RXRA: variants seen among roughly 807,000 people sequenced by gnomAD.
RXRA encodes the protein retinoic acid receptor RXR-alpha.
RXRA carries 5 observed loss-of-function variants against 44.5 expected under a neutral mutation model. The observed-to-expected ratio is 0.11, with a 90% confidence interval of 0.06 to 0.24. The LOEUF (loss-of-function observed/expected upper bound fraction) is 0.24, where lower values mean the gene tolerates loss of function less well. RXRA is among the 10% of genes least tolerant of loss of function. RXRA has a pLI of 1.00. For missense variants in RXRA, 412 were observed against 646.5 expected, an observed-to-expected ratio of 0.64 and a Z score of 3.93; for synonymous variants, 291 against 271.4, an observed-to-expected ratio of 1.07 and a Z score of -0.71.
chr9:134,359,734 G>A (rs575469690), intron 1 of RXRA, among the ~76,000 whole-genome samples: 17 of 152,288 alleles, frequency 1.1e-4, no homozygotes, highest in African/African-American at 4.1e-4. Flanking sequence ...TGGCCCTGGC[G>A]GGGTGGGGAG....
chr9:134,382,939 G>A (rs1830667830), intron 1 of RXRA, among the ~76,000 whole-genome samples: 1 of 152,190 alleles, frequency 6.6e-6, no homozygotes, highest in Admixed American at 6.5e-5. Context: ...GCTTCGGGCT[G>A]TCTGGACAGG....
In RXRA at chr9:134,366,530, C is replaced by T. The variant is rs1385728247; in HGVS notation, c.29-35102C>T. ...CCCCCTCCCCAGCAGCCACCCCGTG[C>T]CATGGGCCTCCAGGTCCCCCGGGTG... On this transcript the variant is annotated intron_variant, in intron 1 of 9. Coordinates refer to ENST00000481739, the MANE Select transcript of RXRA (RefSeq NM_002957.6). This position sits in a 1 kb window ranked among gnomAD's most constrained non-coding sequence, Gnocchi z 5.9. Among the ~76,000 whole-genome samples, 1 of 152,210 alleles carries T rather than the reference C, an allele frequency of 6.6e-6. No individual in the cohort carries two copies. Among genetic ancestry groups the T allele is most frequent in the African/African-American group, 2.4e-5 (1 of 41,448 alleles).
chr9:134,424,064 G>T, intron 6 of RXRA: 2 of 985,436 alleles, frequency 2.0e-6, no homozygotes, highest in Non-Finnish European at 2.4e-6. Context: ...TCTGGCTCCA[G>T]CCTCAGCCTG....
rs1177753775 is a variant in RXRA, at chr9:134,407,912, G to A, written c.280-237G>A. ...TGAAGGTCCTTTTCCACAGAGGCCTGGGGTCTGCTGCGGGCGAGTCCTGAG... is the reference window on the plus strand; with the variant it reads ...TGAAGGTCCTTTTCCACAGAGGCCTAGGGTCTGCTGCGGGCGAGTCCTGAG... On this transcript the variant is annotated intron_variant, in intron 2 of 9. Coordinates refer to ENST00000481739, the MANE Select transcript of RXRA (RefSeq NM_002957.6). This position sits in a 1 kb window ranked among gnomAD's most constrained non-coding sequence, Gnocchi z 4.8. 6.6e-6 allele frequency among the ~76,000 whole-genome samples: 1 copy of A among 152,052 alleles called. No individual in the cohort carries two copies. The highest frequency in any genetic ancestry group is 1.5e-5 in the Non-Finnish European group (1 of 67,970).
intron 4 of RXRA, 46 bp downstream of exon 4, chr9:134,409,165 C>A (rs1291704859): frequency 8.1e-6 from 12 of 1,488,832 alleles, no homozygotes; most frequent in Non-Finnish European, 1.1e-5. Context: ...GTTGGACAAA[C>A]AGTGGGGCCC....
chr9:134,333,515 G>C (rs1835040357), intron 1 of RXRA, among the ~76,000 whole-genome samples: 1 of 152,162 alleles, frequency 6.6e-6, no homozygotes, highest in Admixed American at 6.5e-5. Flanking sequence ...TGGCGCTGAG[G>C]GGAGGGGAGA....
chr9:134,328,901 C>T (rs1332851649), intron 1 of RXRA, among the ~76,000 whole-genome samples: 2 of 152,190 alleles, frequency 1.3e-5, no homozygotes, highest in Non-Finnish European at 2.9e-5. Context: ...TCCACCGAGC[C>T]GCTCAGTGAG....
At chr9:134,338,923 C>T (rs1450647574) in intron 1 of RXRA, among the ~76,000 whole-genome samples, 1 of 152,250 alleles carries the variant, frequency 6.6e-6, no homozygotes, top group Non-Finnish European at 1.5e-5. Context: ...TGCCCTCCCT[C>T]AGGTCTGCCT....
rs770018441 is a variant in RXRA at position 134,408,278 on chromosome 9, A to G, written c.409A>G (p.Ile137Val). ...MASFTKHICA[I>V]CGDRSSGKHY... The stretch of plus-strand genomic sequence containing the variant: ...TTCCTTCACCAAGCACATCTGCGCC[A>G]TCTGCGGGGACCGCTCCTCAGGTAC... Residue 137 changes from isoleucine to valine, a missense_variant, in exon 3 of 10, where the codon ATC (isoleucine) becomes GTC (valine). By Grantham distance (29) the Ile-to-Val change is conservative (BLOSUM62 3). Transcript: ENST00000481739. 3.1e-6 allele frequency: 5 copies of G among 1,608,970 alleles called. No individual in the cohort carries two copies. The highest frequency in any genetic ancestry group is 4.2e-6 in the Non-Finnish European group (5 of 1,178,182).
rs1019550923 is a variant in RXRA at position 134,433,758 on chromosome 9, A to T, written c.1136-344A>T. On this transcript the variant is annotated intron_variant, in intron 8 of 9. Coordinates refer to ENST00000481739, the MANE Select transcript of RXRA (RefSeq NM_002957.6). The surrounding 1 kb of genome is among the most constrained non-coding windows in gnomAD (Gnocchi z 4.2). ...AGCAGCAGCATCCATTGTCTCTCCC[A>T]GTTCCCAAGGCGGCTGGAAGGAAGG... is the stretch of plus-strand genomic sequence containing the variant. Among the ~76,000 whole-genome samples, 3 of 152,156 alleles carry T rather than the reference A, an allele frequency of 2.0e-5. No individual in the cohort carries two copies. The highest frequency in any genetic ancestry group is 4.8e-5 in the African/African-American group (2 of 41,480).
chr9:134,373,430 T>C (rs11185663), intron 1 of RXRA, among the ~76,000 whole-genome samples: 41,168 of 152,220 alleles, frequency 0.27, 5,770 homozygotes, highest in African/African-American at 0.33. Context: ...TCCAACCCTG[T>C]GTTTTCCCAG....
At chr9:134,411,834 CA>C (rs1831153783) in intron 4 of RXRA, among the ~76,000 whole-genome samples, 2 of 152,344 alleles carry the variant, frequency 1.3e-5, no homozygotes, top group South Asian at 2.1e-4. Flanking sequence ...TCCTTGTGCA[CA>C]GGGGGAGTCT....
chr9:134,368,065 C>T (rs1830435852), intron 1 of RXRA, among the ~76,000 whole-genome samples: 1 of 152,262 alleles, frequency 6.6e-6, no homozygotes, highest in Admixed American at 6.5e-5. Flanking sequence ...GCTTGCAGGG[C>T]CAGGAGCCTG....
chr9:134,361,809 C>G (rs1023197949), intron 1 of RXRA, among the ~76,000 whole-genome samples: 1 of 152,186 alleles, frequency 6.6e-6, no homozygotes, highest in Non-Finnish European at 1.5e-5. Flanking sequence ...AACAGGGGCT[C>G]AGGGCCTGAG....
chr9:134,417,319 C>T lies in RXRA; in HGVS notation c.772C>T (p.Pro258Ser), dbSNP rs758299044. The change falls in exon 5 of 10, where the codon CCC becomes TCC. Residue 258 changes from proline to serine, a missense_variant. Pro to Ser is a moderately conservative substitution (Grantham distance 74). Coordinates refer to ENST00000481739, the MANE Select transcript of RXRA (RefSeq NM_002957.6). The surrounding 1 kb of genome is among the most constrained non-coding windows in gnomAD (Gnocchi z 6.1). ...TYVEANMGLN[P>S]SSPNDPVTNI... Reference sequence around the variant, plus strand: ...CGTGGAGGCAAACATGGGGCTGAACCCCAGCTCGGTGAGTTGCAGCCTGTG... The same window carrying T: ...CGTGGAGGCAAACATGGGGCTGAACTCCAGCTCGGTGAGTTGCAGCCTGTG... 5 of 1,613,360 alleles carry T rather than the reference C, an allele frequency of 3.1e-6. No homozygotes were observed. The African/African-American group carries it at 5.3e-5, about 17-fold the overall frequency.
In RXRA at chr9:134,332,826, G is replaced by T. The variant is rs141749220; in HGVS notation, c.28+6167G>T. Among the ~76,000 whole-genome samples, 709 of 152,302 alleles carry T rather than the reference G, an allele frequency of 4.7e-3. 27 individuals are homozygous for T. The highest frequency in any genetic ancestry group is 0.035 in the Admixed American group (528 of 15,302). ...CTCTCCAGGTGGCTCACTGGTTTCA[G>T]GTGGGCCTTGGGGCCCCTGTGAATG... On this transcript the variant is annotated intron_variant, in intron 1 of 9. Coordinates refer to ENST00000481739, the MANE Select transcript of RXRA (RefSeq NM_002957.6).
At chr9:134,339,240 C>T (rs879970337) in intron 1 of RXRA, among the ~76,000 whole-genome samples, 1 of 152,254 alleles carries the variant, frequency 6.6e-6, no homozygotes, top group Non-Finnish European at 1.5e-5. Context: ...GGCATGGCGC[C>T]TCCCGCGCTG....
At chr9:134,327,555 A>T (rs1554746192) in intron 1 of RXRA, among the ~76,000 whole-genome samples, 3 of 152,190 alleles carry the variant, frequency 2.0e-5, no homozygotes, top group African/African-American at 7.2e-5. Flanking sequence ...GACGGCAGCC[A>T]GGCTGTCAGG....
rs886937127 is a variant in RXRA, at chr9:134,370,517, C to T, written c.29-31115C>T. 3.3e-5 allele frequency among the ~76,000 whole-genome samples: 5 copies of T among 152,368 alleles called. No individual in the cohort carries two copies. The East Asian group carries it at 9.6e-4, about 29-fold the overall frequency. On this transcript the variant is annotated intron_variant, in intron 1 of 9. Coordinates refer to ENST00000481739, the MANE Select transcript of RXRA (RefSeq NM_002957.6). ...TACAGGACAAGGCCAAGCCTTTGCC[C>T]CGTAGACGAAGGGCTCATGGTGAGC... is the stretch of plus-strand genomic sequence containing the variant.
Sources: gnomAD v4.1 joint callset for allele counts (sites outside exome capture counted in the v4.1 genomes callset) on GRCh38, gnomAD v4.1.1 for gene constraint, Gnocchi (gnomAD v3.1) non-coding constraint, MANE v1.5 for transcripts, NCBI Gene and HGNC (gene_info 2026-07-23, HGNC 2026-07-21) for gene names.